The following TSPAN18 variants were observed in gnomAD, a reference collection of about 807,000 sequenced individuals.
TSPAN18 encodes the protein tetraspanin 18, also known as tetraspanin-18.
A neutral mutation model predicts 27.3 loss-of-function variants in TSPAN18; 14 were observed. That is an observed-to-expected ratio of 0.51 (90% CI 0.34 to 0.80). TSPAN18 has a LOEUF of 0.80. Among genes scored for constraint, TSPAN18 ranks in the 30% least tolerant of loss-of-function variants. The pLI is 0.01. For synonymous variants in TSPAN18, 143 were observed against 136.5 expected (o/e 1.05, Z -0.33); for missense variants, 268 against 323.9 (o/e 0.83, Z 1.32).
At chr11:44,860,805 C>A (rs960088318) in intron 3 of TSPAN18, among the ~76,000 whole-genome samples, 1 of 152,186 alleles carries the variant, frequency 6.6e-6, no homozygotes, top group Admixed American at 6.6e-5. Context: ...AACTGTTGCC[C>A]AGGTAAGCAA....
intron 3 of TSPAN18, among the ~76,000 whole-genome samples, chr11:44,901,584 A>G (rs1486286382): frequency 1.3e-5 from 2 of 152,252 alleles, no homozygotes; most frequent in East Asian, 3.8e-4. Context: ...TCAGGCCATC[A>G]GATTCCTGCT....
chr11:44,764,045 AAGAG>A (rs749863740), intron 1 of TSPAN18, among the ~76,000 whole-genome samples: 18 of 152,000 alleles, frequency 1.2e-4, no homozygotes, highest in South Asian at 2.1e-4. Context: ...GGACAGGAGA[AAGAG>A]AGAGAGAGGG....
At chr11:44,751,221 G>A (rs1320015639) in intron 1 of TSPAN18, among the ~76,000 whole-genome samples, 2 of 152,150 alleles carry the variant, frequency 1.3e-5, no homozygotes, top group African/African-American at 4.8e-5. Flanking sequence ...GGCGAGGCTC[G>A]TGCTTGGCTC....
chr11:44,776,308 G>A (rs1288522101), intron 2 of TSPAN18, among the ~76,000 whole-genome samples: 2 of 152,182 alleles, frequency 1.3e-5, no homozygotes, highest in African/African-American at 4.8e-5. Context: ...GCTGGTGGAG[G>A]GGCTGGGACT....
At chr11:44,882,985 G>T (rs1386415652) in intron 3 of TSPAN18, among the ~76,000 whole-genome samples, 2 of 152,200 alleles carry the variant, frequency 1.3e-5, no homozygotes, top group Non-Finnish European at 2.9e-5. Context: ...CTGGGTGGAG[G>T]CACCATTGCT....
intron 2 of TSPAN18, among the ~76,000 whole-genome samples, chr11:44,832,432 CT>C (rs1857174053): frequency 1.3e-5 from 2 of 152,120 alleles, no homozygotes; most frequent in Admixed American, 6.5e-5. Flanking sequence ...TTCTCCTTTG[CT>C]TCTCTCATCC....
intron 2 of TSPAN18, among the ~76,000 whole-genome samples, chr11:44,825,356 C>T (rs2135130262): frequency 6.6e-6 from 1 of 152,322 alleles, no homozygotes; most frequent in South Asian, 2.1e-4. Flanking sequence ...AATGAGAAGA[C>T]TGAGGCCCCA....
chr11:44,912,268 G>A (rs1012999144), intron 5 of TSPAN18, among the ~76,000 whole-genome samples: 2 of 152,008 alleles, frequency 1.3e-5, no homozygotes, highest in East Asian at 1.9e-4. Flanking sequence ...ATGATCCACC[G>A]CCTCGGCCTC....
intron 9 of TSPAN18, 85 bp from the exon 10 acceptor site, chr11:44,929,046 A>C (rs1590711025): frequency 1.3e-6 from 2 of 1,552,168 alleles, no homozygotes; most frequent in East Asian, 2.2e-5. Context: ...ACAGGCATTC[A>C]CTCCCCTTCC....
At chr11:44,802,232 A>G (rs1259172117) in intron 2 of TSPAN18, among the ~76,000 whole-genome samples, 3 of 151,592 alleles carry the variant, frequency 2.0e-5, no homozygotes, top group Non-Finnish European at 4.4e-5. Flanking sequence ...TGGGTCAGGA[A>G]CCCTGCAGGA....
chr11:44,893,628 C>G (rs1858931511), intron 3 of TSPAN18, among the ~76,000 whole-genome samples: 1 of 152,206 alleles, frequency 6.6e-6, no homozygotes, highest in African/African-American at 2.4e-5. Context: ...TCCAGCAAAA[C>G]CTGGCTACAA....
intron 9 of TSPAN18, 24 bp from the exon 10 acceptor site, chr11:44,929,106 TC>T: frequency 6.2e-7 from 1 of 1,612,848 alleles, no homozygotes; most frequent in Admixed American, 1.7e-5. Context: ...ATAAGCCAGT[TC>T]CTGCTCTTTT....
At chr11:44,919,366 TC>T (rs777480884) in intron 7 of TSPAN18, 54 bp downstream of exon 7, 1 of 1,456,906 alleles carries the variant, frequency 6.9e-7, no homozygotes, top group South Asian at 1.1e-5. Flanking sequence ...TGCCCAGTGT[TC>T]ACATGCCCAC....
chr11:44,930,973 G>A lies in TSPAN18; in HGVS notation c.*1795G>A, dbSNP rs367939640. 1.8e-5 allele frequency: 9 copies of A among 487,432 alleles called. No individual in the cohort carries two copies. The East Asian group carries it at 2.6e-4, about 14-fold the overall frequency. The allele number at this position is 487,432 out of a possible 1,614,324, so 30.2% of individuals were successfully genotyped here. On this transcript the variant is annotated 3_prime_UTR_variant, in exon 10 of 10. Transcript: ENST00000520358. ...ACTCGGAGCCACAGCCTAGAGCCCC[G>A]TGTTCCCTGGCCTGTGCGTCTGCCC...
chr11:44,808,713 T>G (rs573541630), intron 2 of TSPAN18, among the ~76,000 whole-genome samples: 1 of 152,320 alleles, frequency 6.6e-6, no homozygotes, highest in African/African-American at 2.4e-5. Context: ...AATTTAACGT[T>G]TCTTGGAAAT....
intron 2 of TSPAN18, among the ~76,000 whole-genome samples, chr11:44,785,421 G>A (rs1021223934): frequency 1.3e-5 from 2 of 152,090 alleles, no homozygotes; most frequent in African/African-American, 2.4e-5. Flanking sequence ...CAGAGCTTCC[G>A]AATCCCACCC....
At chr11:44,891,061 C>T (rs1858833319) in intron 3 of TSPAN18, among the ~76,000 whole-genome samples, 2 of 152,202 alleles carry the variant, frequency 1.3e-5, no homozygotes, top group South Asian at 4.1e-4. Context: ...GTTCCAGCTA[C>T]TTGAGAGGCT....
At chr11:44,904,164 C>T (rs41366347) in intron 3 of TSPAN18, among the ~76,000 whole-genome samples, 1,959 of 152,246 alleles carry the variant, frequency 0.013, 33 homozygotes, top group African/African-American at 0.045. Context: ...CCTTGCATTC[C>T]TCACCAGGTA....
intron 2 of TSPAN18, among the ~76,000 whole-genome samples, chr11:44,823,839 A>G (rs998135685): frequency 6.6e-6 from 1 of 152,186 alleles, no homozygotes; most frequent in South Asian, 2.1e-4. Context: ...CTCTGAGACA[A>G]TCAGAGAAGC....
Sources: gnomAD v4.1 joint callset for allele counts (sites outside exome capture counted in the v4.1 genomes callset) on GRCh38, gnomAD v4.1.1 for gene constraint, MANE v1.5 for transcripts, NCBI Gene and HGNC (gene_info 2026-07-23, HGNC 2026-07-21) for gene names.